RNLS: variants seen among roughly 807,000 people sequenced by gnomAD.
RNLS encodes renalase, FAD dependent amine oxidase, also known as renalase.
RNLS carries 39 observed loss-of-function variants against 39.8 expected under a neutral mutation model. The ratio of observed to expected loss-of-function variants is 0.98; its 90% CI spans 0.76 to 1.28. The LOEUF (loss-of-function observed/expected upper bound fraction) is 1.28, where lower values mean the gene tolerates loss of function less well. Ranked by LOEUF, RNLS falls within the 50% of genes most tolerant of loss-of-function variation. The pLI is 0.00. For missense variants in RNLS, 410 were observed against 413.3 expected, an observed-to-expected ratio of 0.99 and a Z score of 0.07; for synonymous variants, 147 against 150.7, an observed-to-expected ratio of 0.98 and a Z score of 0.18.
chr10:88,536,790 A>G (rs1847785845), intron 4 of RNLS, among the ~76,000 whole-genome samples: 1 of 152,142 alleles, frequency 6.6e-6, no homozygotes, highest in East Asian at 1.9e-4. Context: ...TATCCTTCAC[A>G]GCAGCACCCC....
chr10:88,193,534 C>T, the RNLS span, among the ~76,000 whole-genome samples: 2 of 152,240 alleles, frequency 1.3e-5, no homozygotes, highest in East Asian at 1.9e-4. Flanking sequence ...GCTTGAATAA[C>T]TTTGTTTCCA....
chr10:88,415,748 G>C (rs1853977367), intron 4 of RNLS, among the ~76,000 whole-genome samples: 1 of 152,248 alleles, frequency 6.6e-6, no homozygotes, highest in East Asian at 1.9e-4. Flanking sequence ...TACTCAGTCA[G>C]TGTTAGCCAT....
chr10:88,507,125 G>A (rs772031542), intron 4 of RNLS, among the ~76,000 whole-genome samples: 26 of 152,024 alleles, frequency 1.7e-4, no homozygotes, highest in Non-Finnish European at 3.5e-4. Context: ...TGAAAATCAC[G>A]GCCAATGGCC....
chr10:88,217,488 T>G, the RNLS span, among the ~76,000 whole-genome samples: 2 of 152,148 alleles, frequency 1.3e-5, no homozygotes, highest in East Asian at 3.9e-4. Context: ...GAGTGTGATC[T>G]GATACAGAAA....
chr10:88,420,246 A>G (rs945554721), intron 4 of RNLS, among the ~76,000 whole-genome samples: 1 of 151,940 alleles, frequency 6.6e-6, no homozygotes, highest in African/African-American at 2.4e-5. Context: ...TAAAGACTAG[A>G]TCTTTCTTTT....
the RNLS span, among the ~76,000 whole-genome samples, chr10:88,238,372 C>G: frequency 6.8e-3 from 1,040 of 152,256 alleles, 7 homozygotes; most frequent in Middle Eastern, 0.024. Context: ...ATAGATGAAA[C>G]AAACACACCA....
In RNLS at chr10:88,461,673, A is replaced by G. The variant is rs183145416; in HGVS notation, c.527-98948T>C. Among the ~76,000 whole-genome samples the G allele has an allele frequency of 2.5e-3, 383 of 152,204 alleles. 3 individuals are homozygous for G. Among genetic ancestry groups the G allele is most frequent in the African/African-American group, 8.4e-3 (351 of 41,560 alleles). The stretch of plus-strand genomic sequence containing the variant: ...GTCTCATACATTTTTGGACCCTTCA[A>G]TCAAGATCTTTGTATCTTGCTAAAT... On this transcript the variant is annotated intron_variant, in intron 4 of 6. Coordinates refer to ENST00000331772, the MANE Select transcript of RNLS (RefSeq NM_001031709.3).
At chr10:88,172,047 A>T in the RNLS span, among the ~76,000 whole-genome samples, 1 of 152,190 alleles carries the variant, frequency 6.6e-6, no homozygotes, top group African/African-American at 2.4e-5. Flanking sequence ...GAAAAGGCAC[A>T]CTACATTTTC....
intron 5 of RNLS, among the ~76,000 whole-genome samples, chr10:88,315,060 C>G (rs1347208840): frequency 6.6e-6 from 1 of 152,112 alleles, no homozygotes; most frequent in Non-Finnish European, 1.5e-5. Context: ...AAATACCTGT[C>G]TCATTCAATT....
intron 4 of RNLS, among the ~76,000 whole-genome samples, chr10:88,552,499 G>A (rs1292506407): frequency 6.6e-6 from 1 of 152,204 alleles, no homozygotes; most frequent in Non-Finnish European, 1.5e-5. Flanking sequence ...TTTGCTCTAA[G>A]CAAAGTGTTT....
chr10:88,477,456 G>C (rs1843883048), intron 4 of RNLS, among the ~76,000 whole-genome samples: 1 of 152,110 alleles, frequency 6.6e-6, no homozygotes. Flanking sequence ...GACAGCGATG[G>C]TGGGGATGAC....
the RNLS span, among the ~76,000 whole-genome samples, chr10:88,256,145 T>A: frequency 6.6e-6 from 1 of 152,214 alleles, no homozygotes; most frequent in Non-Finnish European, 1.5e-5. Flanking sequence ...AGGCTTTCCC[T>A]TCTCGATATT....
chr10:88,555,104 G>T (rs1399012324), intron 4 of RNLS, among the ~76,000 whole-genome samples: 1 of 151,764 alleles, frequency 6.6e-6, no homozygotes, highest in Non-Finnish European at 1.5e-5. Flanking sequence ...CTGTGATACT[G>T]GAATTTCATG....
chr10:88,291,217 G>A (rs1006297352), intron 6 of RNLS, among the ~76,000 whole-genome samples: 3 of 152,140 alleles, frequency 2.0e-5, no homozygotes, highest in South Asian at 2.1e-4. Context: ...TCCTTTAAGC[G>A]GTGCTTTTTC....
chr10:88,273,193 T>A (rs373886495), downstream of RNLS, among the ~76,000 whole-genome samples: 3 of 152,226 alleles, frequency 2.0e-5, no homozygotes, highest in African/African-American at 4.8e-5. Flanking sequence ...CTTCAATCAC[T>A]TTCCTACTGC....
intron 4 of RNLS, among the ~76,000 whole-genome samples, chr10:88,557,531 T>C (rs570034745): frequency 1.3e-5 from 2 of 152,278 alleles, no homozygotes; most frequent in Admixed American, 6.5e-5. Flanking sequence ...ACAAAACTAC[T>C]TATATAAGAT....
chr10:88,379,181 T>C (rs558332157), intron 4 of RNLS, among the ~76,000 whole-genome samples: 4 of 152,318 alleles, frequency 2.6e-5, no homozygotes, highest in South Asian at 2.1e-4. Context: ...AACTGGAATG[T>C]TGTTGTGTGG....
the RNLS span, among the ~76,000 whole-genome samples, chr10:88,239,479 G>A: frequency 6.6e-6 from 1 of 152,192 alleles, no homozygotes; most frequent in Non-Finnish European, 1.5e-5. Flanking sequence ...AACTCTAGAT[G>A]AGCCACTCAG....
chr10:88,574,470 A>C (rs552569405), intron 3 of RNLS, among the ~76,000 whole-genome samples: 1 of 152,190 alleles, frequency 6.6e-6, no homozygotes, highest in Non-Finnish European at 1.5e-5. Context: ...CACTGCCTTT[A>C]GTACTAATTT....
Sources: allele counts gnomAD v4.1 joint callset (sites outside exome capture counted in the v4.1 genomes callset), GRCh38; gene constraint gnomAD v4.1.1; transcripts MANE v1.5; gene names NCBI Gene and HGNC (gene_info 2026-07-23, HGNC 2026-07-21).